EP300: variants seen among roughly 807,000 people sequenced by gnomAD.
EP300 encodes EP300 lysine acetyltransferase, also known as histone acetyltransferase p300.
In EP300, 31 loss-of-function variants were observed where a neutral mutation model predicts 264.0. That is an observed-to-expected ratio of 0.12 (90% CI 0.09 to 0.16). The LOEUF (loss-of-function observed/expected upper bound fraction) is 0.16. EP300 is among the 10% of genes least tolerant of loss of function. The pLI, the probability that EP300 is intolerant of heterozygous loss-of-function variation, is 1.00. For synonymous variants in EP300, 1,340 were observed against 1,045.4 expected, an observed-to-expected ratio of 1.28 and a Z score of -5.44; for missense variants, 2,766 against 3,052.9, an observed-to-expected ratio of 0.91 and a Z score of 2.21.
chr22:41,170,943 A>G (rs369785217), intron 27 of EP300, among the ~76,000 whole-genome samples: 1,592 of 148,262 alleles, frequency 0.011, 23 homozygotes, highest in African/African-American at 0.034. Context: ...GATTACAGGC[A>G]TGAGCCACCG....
In EP300 at chr22:41,150,058, C is replaced by G; in HGVS notation, c.2677C>G (p.Leu893Val). Residue 893 changes from leucine to valine, a missense_variant, in exon 14 of 31, where the codon CTT (leucine) becomes GTT (valine). Coordinates refer to ENST00000263253, the MANE Select transcript of EP300 (RefSeq NM_001429.4). ...GACACCTACACCACCAACAACACAA[C>G]TTCCCCAACAAGTGCAGCCTTCACT... ...RQTPTPPTTQLPQQVQPSLPA... is the reference protein window; with the variant it reads ...RQTPTPPTTQVPQQVQPSLPA... 1.9e-6 allele frequency: 3 copies of G among 1,613,988 alleles called. No individual in the cohort carries two copies. Among genetic ancestry groups the G allele is most frequent in the South Asian group, 1.1e-5 (1 of 91,084 alleles).
intron 2 of EP300, 131 bp from the exon 3 acceptor site, chr22:41,125,733 T>C (rs1276600975): frequency 2.0e-6 from 2 of 976,138 alleles, no homozygotes; most frequent in Non-Finnish European, 3.0e-6. Context: ...CAAGCTGTAG[T>C]GTCTTTTCTA....
chr22:41,120,173 G>A (rs1410591495), intron 2 of EP300, among the ~76,000 whole-genome samples: 2 of 151,944 alleles, frequency 1.3e-5, no homozygotes, highest in African/African-American at 4.8e-5. Flanking sequence ...GACAAATGAG[G>A]GAGCTTTAAA....
rs6002266 is a variant in EP300, at chr22:41,140,986, T to C, written c.1879-62T>C. On this transcript the variant is annotated intron_variant, in intron 9 of 30. Transcript: ENST00000263253. ...ATATCTATTCTCAGTTTATTTTTTC[T>C]GTTACCTGGTGGTAGTTCCTTTTTT... is the stretch of plus-strand genomic sequence containing the variant. 29 of 1,483,566 alleles carry C rather than the reference T, an allele frequency of 2.0e-5. No individual in the cohort carries two copies. In the African/African-American group the frequency reaches 3.2e-4, roughly 16 times the overall value. 91.9% of individuals were successfully genotyped at this position (1,483,566 alleles called of 1,614,324 possible). A position where few individuals can be genotyped will look rare whatever the true frequency, so the allele number is the denominator to read the frequency against.
intron 27 of EP300, 144 bp from the exon 28 acceptor site, chr22:41,172,355 C>T: frequency 4.2e-6 from 3 of 708,986 alleles, no homozygotes; most frequent in Non-Finnish European, 7.0e-6. Flanking sequence ...TAAATACTCC[C>T]TGGCTTACGG....
At chr22:41,118,977 T>C (rs2058836449) in intron 2 of EP300, among the ~76,000 whole-genome samples, 1 of 149,446 alleles carries the variant, frequency 6.7e-6, no homozygotes, top group African/African-American at 2.4e-5. Flanking sequence ...TTGTAGATTC[T>C]CCCTTTCTGC....
intron 1 of EP300, 126 bp downstream of exon 1, chr22:41,093,224 T>A: frequency 1.0e-6 from 1 of 983,864 alleles, no homozygotes; most frequent in Non-Finnish European, 1.5e-6. Flanking sequence ...ATTTTAAAGG[T>A]ATTTGAATGA....
chr22:41,131,290 C>G, intron 5 of EP300, 98 bp from the exon 6 acceptor site: 1 of 1,304,798 alleles, frequency 7.7e-7, no homozygotes, highest in Non-Finnish European at 1.1e-6. Context: ...GTTTCATAAT[C>G]ACGTAACAAT....
chr22:41,171,853 TC>T (rs2059172728), intron 27 of EP300, among the ~76,000 whole-genome samples: 1 of 151,922 alleles, frequency 6.6e-6, no homozygotes, highest in South Asian at 2.1e-4. Context: ...CCTCAGGTGA[TC>T]CACCTGCCTC....
chr22:41,178,878 C>T lies in EP300; in HGVS notation c.7167C>T (p.Ser2389=), dbSNP rs150845823. Residue 2389 remains serine, a synonymous_variant, in exon 31 of 31, where the codon AGC becomes AGT. Transcript: ENST00000263253. ...GCATGGCAAACCTCCATGGTGCAAG[C>T]GCCACGGACCTGGGACTCAGCACCG... ...NPGMANLHGA[S]ATDLGLSTDN... 8.9e-5 allele frequency: 143 copies of T among 1,614,038 alleles called. No individual in the cohort carries two copies. Among genetic ancestry groups the T allele is most frequent in the Middle Eastern group, 1.6e-4 (1 of 6,084 alleles).
chr22:41,113,798 G>A (rs1382222044), intron 1 of EP300, among the ~76,000 whole-genome samples: 3 of 152,138 alleles, frequency 2.0e-5, no homozygotes, highest in South Asian at 2.1e-4. Flanking sequence ...CGCCCACCTC[G>A]GCCTCCCAAA....
At chr22:41,103,010 T>C (rs1318139431) in intron 1 of EP300, among the ~76,000 whole-genome samples, 1 of 152,024 alleles carries the variant, frequency 6.6e-6, no homozygotes, top group African/African-American at 2.4e-5. Context: ...CCACCACGCC[T>C]GGCTAATTTT....
Position 41,178,398 on chromosome 22 carries a change from T to C in EP300, c.6687T>C (p.His2229=), listed in dbSNP as rs758664705. The C allele has an allele frequency of 6.2e-7, 1 of 1,613,972 alleles. No individual in the cohort carries two copies. The highest frequency in any genetic ancestry group is 2.2e-5 in the East Asian group (1 of 44,866). Reference sequence around the variant, plus strand: ...CACAGCAGCAGCAGCGGATGCAGCATCACATGCAACAGATGCAACAAGGAA... The same window carrying C: ...CACAGCAGCAGCAGCGGATGCAGCACCACATGCAACAGATGCAACAAGGAA... ...YPPQQQQRMQ[H]HMQQMQQGNM... Residue 2229 remains histidine (H), a synonymous_variant, in exon 31 of 31, where the codon CAT becomes CAC. Transcript: ENST00000263253.
intron 17 of EP300, among the ~76,000 whole-genome samples, chr22:41,156,251 G>A (rs1404835217): frequency 1.3e-5 from 2 of 152,044 alleles, no homozygotes; most frequent in Non-Finnish European, 2.9e-5. Flanking sequence ...AACCTCAGAT[G>A]ATCCACCCAC....
intron 16 of EP300, among the ~76,000 whole-genome samples, chr22:41,153,595 C>T (rs1436439022): frequency 6.6e-6 from 1 of 151,996 alleles, no homozygotes; most frequent in Non-Finnish European, 1.5e-5. Flanking sequence ...ACTAAAAGTA[C>T]AAAAGTTAGC....
chr22:41,112,638 T>G lies in EP300; in HGVS notation c.95-4549T>G, dbSNP rs1414292029. Among the ~76,000 whole-genome samples, 3 of 152,152 alleles carry G rather than the reference T, an allele frequency of 2.0e-5. No individual in the cohort carries two copies. In the East Asian group the frequency reaches 5.8e-4, roughly 29 times the overall value. The stretch of plus-strand genomic sequence containing the variant: ...CCTTTGGTTTGCTCTTTTTAAAGAG[T>G]CTTGTTTCTGTGTCCATGAAGAAGA... On this transcript the variant is annotated intron_variant, in intron 1 of 30. Coordinates refer to ENST00000263253, the MANE Select transcript of EP300 (RefSeq NM_001429.4).
In EP300 at chr22:41,176,920, C is replaced by T. The variant is rs2145515182; in HGVS notation, c.5209C>T (p.Arg1737Cys). ...CGATTCTCGCCGCCTGAGTATCCAG[C>T]GCTGCATCCAGTCTCTGGTCCATGC... ...PGDSRRLSIQRCIQSLVHACQ... is the reference protein window; with the variant it reads ...PGDSRRLSIQCCIQSLVHACQ... The change falls in exon 31 of 31, where the codon CGC (arginine) becomes TGC (cysteine). Residue 1737 changes from arginine (R) to cysteine (C), a missense_variant. Physicochemically the swap from Arg to Cys is radical, Grantham distance 180 (BLOSUM62 -3). Coordinates refer to ENST00000263253, the MANE Select transcript of EP300 (RefSeq NM_001429.4). 3 of 1,614,152 alleles carry T rather than the reference C, an allele frequency of 1.9e-6. No individual in the cohort carries two copies. Among genetic ancestry groups the T allele is most frequent in the Non-Finnish European group, 1.7e-6 (2 of 1,180,030 alleles).
At chr22:41,112,762 G>C (rs2058800349) in intron 1 of EP300, among the ~76,000 whole-genome samples, 1 of 151,326 alleles carries the variant, frequency 6.6e-6, no homozygotes, top group Non-Finnish European at 1.5e-5. Flanking sequence ...TTCCTTGAAA[G>C]TTTGGTGTAG....
chr22:41,111,475 T>G (rs942882376), intron 1 of EP300, among the ~76,000 whole-genome samples: 8 of 152,346 alleles, frequency 5.3e-5, no homozygotes, highest in African/African-American at 1.9e-4. Flanking sequence ...CTTTGAACTT[T>G]CTATGTCAAC....
Sources: gnomAD v4.1 joint callset for allele counts (sites outside exome capture counted in the v4.1 genomes callset) on GRCh38, gnomAD v4.1.1 for gene constraint, MANE v1.5 for transcripts, NCBI Gene and HGNC (gene_info 2026-07-23, HGNC 2026-07-21) for gene names.